USP26: variants seen among roughly 807,000 people sequenced by gnomAD.
USP26 encodes the protein ubiquitin specific peptidase 26.
For missense variants in USP26, 649 were observed against 642.3 expected (o/e 1.01, Z -0.11); for synonymous variants, 236 against 240.6 (o/e 0.98, Z 0.18).
chrX:133,079,949 GACATATATTAGTT>G (rs2067564207), intron 5 of USP26, among the ~76,000 whole-genome samples: 2 of 111,638 alleles, frequency 1.8e-5, no homozygotes, highest in South Asian at 7.5e-4. Context: ...ATTGTAGGTG[GACATATATTAGTT>G]ACATGTTTCC....
intron 5 of USP26, among the ~76,000 whole-genome samples, chrX:133,064,362 C>T (rs747336183): frequency 2.7e-5 from 3 of 111,878 alleles, no homozygotes; most frequent in African/African-American, 9.7e-5. Flanking sequence ...TTGAAGTCAA[C>T]TCTGGACCAA....
intron 1 of USP26, among the ~76,000 whole-genome samples, chrX:133,093,878 G>A (rs1257349781): frequency 9.6e-6 from 1 of 104,567 alleles, no homozygotes; most frequent in Non-Finnish European, 1.9e-5. Flanking sequence ...CTACTCAGGA[G>A]GCTGAGGTGG....
chrX:133,067,390 A>T (rs1277430538), intron 5 of USP26, among the ~76,000 whole-genome samples: 3 of 112,770 alleles, frequency 2.7e-5, no homozygotes, highest in African/African-American at 9.7e-5. Flanking sequence ...GACCCAAAGG[A>T]TTATAAATCA....
intron 4 of USP26, among the ~76,000 whole-genome samples, chrX:133,085,240 C>T (rs763286026): frequency 3.6e-5 from 4 of 112,212 alleles, no homozygotes; most frequent in African/African-American, 1.3e-4. Context: ...TGGCCCATTG[C>T]GTCATTCTTA....
intron 5 of USP26, among the ~76,000 whole-genome samples, chrX:133,068,579 G>A (rs2067520178): frequency 8.9e-6 from 1 of 112,615 alleles, no homozygotes; most frequent in Non-Finnish European, 1.9e-5. Flanking sequence ...GACAGTTTAA[G>A]TAATGGTGGG....
chrX:133,096,047 ATTTTTTTTT>A (rs779131148), intron 1 of USP26, among the ~76,000 whole-genome samples: 7 of 36,548 alleles, frequency 1.9e-4, no homozygotes, highest in African/African-American at 7.3e-4. Context: ...GCCCGGCCTA[ATTTTTTTTT>A]TTTTTTTTTT....
At chrX:133,072,278 G>T (rs1201820425) in intron 5 of USP26, among the ~76,000 whole-genome samples, 1 of 112,250 alleles carries the variant, frequency 8.9e-6, no homozygotes, top group African/African-American at 3.2e-5. Flanking sequence ...GGTATAACCT[G>T]CTATGATAAC....
intron 5 of USP26, among the ~76,000 whole-genome samples, chrX:133,033,879 G>GA (rs1569509686): frequency 8.9e-6 from 1 of 111,855 alleles, no homozygotes; most frequent in Non-Finnish European, 1.9e-5. Flanking sequence ...GCCATGCAAC[G>GA]GAAAATGTCT....
intron 5 of USP26, among the ~76,000 whole-genome samples, chrX:133,044,436 G>A (rs924376689): frequency 3.5e-5 from 4 of 113,289 alleles, no homozygotes; most frequent in South Asian, 3.6e-4. Context: ...CTAGAGTTCC[G>A]GGTGGGCATG....
intron 3 of USP26, 34 bp from the exon 4 acceptor site, chrX:133,090,260 T>C (rs2067602634): frequency 9.0e-6 from 1 of 111,050 alleles, no homozygotes; most frequent in Non-Finnish European, 1.9e-5. Context: ...AGAAAGTTAG[T>C]TACTGGTAAA....
chrX:133,054,580 G>A (rs1311721730), intron 5 of USP26, among the ~76,000 whole-genome samples: 1 of 111,380 alleles, frequency 9.0e-6, no homozygotes, highest in Non-Finnish European at 1.9e-5. Flanking sequence ...TATGGGCTTA[G>A]CTGGTTTTAA....
chrX:133,035,752 T>G (rs2148527054), intron 5 of USP26, among the ~76,000 whole-genome samples: 1 of 112,100 alleles, frequency 8.9e-6, no homozygotes, highest in South Asian at 3.7e-4. Context: ...TAAGCAAATA[T>G]CCACAATAAT....
chrX:133,037,288 T>C (rs1351131788), intron 5 of USP26, among the ~76,000 whole-genome samples: 1 of 112,495 alleles, frequency 8.9e-6, no homozygotes, highest in Non-Finnish European at 1.9e-5. Context: ...GGTTTTCTTC[T>C]AGGGTTTTTA....
intron 4 of USP26, among the ~76,000 whole-genome samples, chrX:133,086,862 C>T (rs764686487): frequency 7.0e-5 from 7 of 100,253 alleles, no homozygotes; most frequent in Admixed American, 4.5e-4. Context: ...TGCAGTGAGC[C>T]GAGATCACAC....
chrX:133,050,520 A>G (rs2067455342), intron 5 of USP26, among the ~76,000 whole-genome samples: 1 of 112,336 alleles, frequency 8.9e-6, no homozygotes, highest in South Asian at 3.7e-4. Flanking sequence ...CAGTTTAATG[A>G]GTGAAAACAC....
chrX:133,066,378 A>C (rs1316179805), intron 5 of USP26, among the ~76,000 whole-genome samples: 3 of 111,979 alleles, frequency 2.7e-5, no homozygotes, highest in Non-Finnish European at 5.6e-5. Flanking sequence ...AACTACTGTA[A>C]ATTTCATATG....
Position 133,025,629 on chromosome X carries a change from A to ATCAT in USP26, c.2591_2592insATGA (p.Ile865Ter). On this transcript the variant is annotated stop_gained and frameshift_variant, in exon 6 of 6. Coordinates refer to ENST00000511190, the MANE Select transcript of USP26 (RefSeq NM_031907.3). LOFTEE classifies it low-confidence loss of function (END_TRUNC). ...CCTCCTGCATCTGGGCCTCCTGGATACCTAACACCCGCATATCATCGTAAG... is the reference window on the plus strand; with the variant it reads ...CCTCCTGCATCTGGGCCTCCTGGATATCATCCTAACACCCGCATATCATCGTAAG... 1 of 1,211,347 alleles carries ATCAT rather than the reference A, an allele frequency of 8.3e-7. No homozygotes were observed. The highest frequency in any genetic ancestry group is 1.1e-6 in the Non-Finnish European group (1 of 895,344).
Position 133,027,351 on chromosome X carries a change from T to C in USP26, c.870A>G (p.Pro290=), listed in dbSNP as rs374151567. The C allele has an allele frequency of 4.1e-6, 5 of 1,209,079 alleles. No homozygotes were observed. Among genetic ancestry groups the C allele is most frequent in the South Asian group, 1.8e-5 (1 of 56,779 alleles). ...DKLKLFFELF[P]EKICHGLPNL... is the part of the protein sequence containing the mutation. Reference sequence around the variant, plus strand: ...TGGGGAGGCCGTGGCATATTTTCTCTGGAAATAATTCAAAAAATAGTTTTA... The same window carrying C: ...TGGGGAGGCCGTGGCATATTTTCTCCGGAAATAATTCAAAAAATAGTTTTA... Residue 290 remains proline, a synonymous_variant, in exon 6 of 6, where the codon CCA becomes CCG. Coordinates refer to ENST00000511190, the MANE Select transcript of USP26 (RefSeq NM_031907.3).
intron 4 of USP26, among the ~76,000 whole-genome samples, chrX:133,088,943 G>GTTT (rs747353965): frequency 4.0e-5 from 4 of 99,061 alleles, no homozygotes; most frequent in Non-Finnish European, 4.1e-5. Flanking sequence ...TTTAGGTAGA[G>GTTT]TTTTTTTTTT....
Sources: allele counts gnomAD v4.1 joint callset (sites outside exome capture counted in the v4.1 genomes callset), GRCh38; gene constraint gnomAD v4.1.1; transcripts MANE v1.5; gene names NCBI Gene and HGNC (gene_info 2026-07-23, HGNC 2026-07-21).